The following RBMS3 variants were observed in gnomAD, a reference collection of about 807,000 sequenced individuals.
RBMS3 encodes RNA binding motif single stranded interacting protein 3.
RBMS3 carries 27 observed loss-of-function variants against 66.8 expected under a neutral mutation model. The ratio of observed to expected loss-of-function variants is 0.40; its 90% CI spans 0.30 to 0.56. The LOEUF is 0.56. Ranked by LOEUF, RBMS3 falls within the 20% of genes least tolerant of loss-of-function variation. RBMS3 has a pLI of 0.40. For synonymous variants in RBMS3, 188 were observed against 183.0 expected (o/e 1.03, Z -0.22); for missense variants, 513 against 549.5 (o/e 0.93, Z 0.66).
intron 5 of RBMS3, among the ~76,000 whole-genome samples, chr3:29,754,859 A>G (rs1185369210): frequency 6.6e-6 from 1 of 152,218 alleles, no homozygotes; most frequent in African/African-American, 2.4e-5. Context: ...TATGAAGATA[A>G]TGAGTGAGAA....
rs759344493 is a variant in RBMS3 at position 29,434,735 on chromosome 3, G to A, written c.76-8G>A. 21 of 1,606,032 alleles carry A rather than the reference G, an allele frequency of 1.3e-5. No individual in the cohort carries two copies. The East Asian group carries it at 3.6e-4, about 27-fold the overall frequency. On this transcript the variant is annotated splice_region_variant and splice_polypyrimidine_tract_variant and intron_variant, in intron 1 of 14. Coordinates refer to ENST00000383767, the MANE Select transcript of RBMS3 (RefSeq NM_001003793.3). ...TGTTTTTCCAGTAACAGCTTTTTCTGTTTCCAGCAGTCCTATGCACCAGCT... is the reference window on the plus strand; with the variant it reads ...TGTTTTTCCAGTAACAGCTTTTTCTATTTCCAGCAGTCCTATGCACCAGCT...
intron 3 of RBMS3, among the ~76,000 whole-genome samples, chr3:29,570,174 T>C (rs980015600): frequency 4.6e-5 from 7 of 152,256 alleles, no homozygotes; most frequent in African/African-American, 1.7e-4. Context: ...GTCATTTTCT[T>C]ATTTTTGAAA....
At chr3:29,917,674 C>T (rs977716467) in intron 10 of RBMS3, among the ~76,000 whole-genome samples, 3 of 152,024 alleles carry the variant, frequency 2.0e-5, no homozygotes, top group African/African-American at 7.2e-5. Flanking sequence ...CAGAAAACAA[C>T]CGTCAACTCC....
chr3:29,721,597 G>A (rs546511691), intron 4 of RBMS3, among the ~76,000 whole-genome samples: 95 of 152,172 alleles, frequency 6.2e-4, no homozygotes, highest in African/African-American at 2.2e-3. Context: ...TCAGGGTCAC[G>A]GGTCTATCCA....
At chr3:29,701,961 G>A (rs900435682) in intron 4 of RBMS3, among the ~76,000 whole-genome samples, 2 of 152,218 alleles carry the variant, frequency 1.3e-5, no homozygotes, top group African/African-American at 2.4e-5. Flanking sequence ...CTCTGCCCGC[G>A]GCCGTGGCGC....
chr3:29,962,968 C>T (rs1397725837), intron 12 of RBMS3, among the ~76,000 whole-genome samples: 1 of 151,332 alleles, frequency 6.6e-6, no homozygotes, highest in Non-Finnish European at 1.5e-5. Flanking sequence ...TACTTATCTC[C>T]TGTGCCCTTC....
rs192525887 is a variant in RBMS3 at position 29,570,851 on chromosome 3, A to G, written c.308-16263A>G. 2.0e-5 allele frequency among the ~76,000 whole-genome samples: 3 copies of G among 152,236 alleles called. No homozygotes were observed. In the East Asian group the frequency reaches 5.8e-4, roughly 29 times the overall value. On this transcript the variant is annotated intron_variant, in intron 3 of 14. Transcript: ENST00000383767. ...TTTTGGGCATATACTCAGCAATGGTATTTCTGTATCATATGGTAGCTCTAT... is the reference window on the plus strand; with the variant it reads ...TTTTGGGCATATACTCAGCAATGGTGTTTCTGTATCATATGGTAGCTCTAT...
At chr3:29,989,656 A>C (rs922180536) in intron 13 of RBMS3, among the ~76,000 whole-genome samples, 1 of 152,224 alleles carries the variant, frequency 6.6e-6, no homozygotes, top group Non-Finnish European at 1.5e-5. Flanking sequence ...GATGTTTAAC[A>C]GGGCACTGAT....
chr3:29,285,985 C>T (rs1019993267), intron 1 of RBMS3, among the ~76,000 whole-genome samples: 4 of 152,136 alleles, frequency 2.6e-5, no homozygotes, highest in Admixed American at 1.3e-4. Context: ...CTTCCTGCCT[C>T]AGATTTGCAT....
chr3:29,426,630 T>A (rs1185283881), intron 1 of RBMS3, among the ~76,000 whole-genome samples: 1 of 152,232 alleles, frequency 6.6e-6, no homozygotes, highest in Non-Finnish European at 1.5e-5. Context: ...TCCACAATGA[T>A]TGTTTCATCA....
chr3:29,822,808 C>G (rs2058106801), intron 6 of RBMS3, among the ~76,000 whole-genome samples: 1 of 152,160 alleles, frequency 6.6e-6, no homozygotes, highest in African/African-American at 2.4e-5. Context: ...ATGATGGTGT[C>G]ATGGCTGCCA....
rs1352122041 is a variant in RBMS3, at chr3:29,633,384, TGAGATATAA to T, written c.399+46183_399+46191del. Among the ~76,000 whole-genome samples the T allele has an allele frequency of 2.0e-5, 3 of 151,920 alleles. No homozygotes were observed. The East Asian group carries it at 5.8e-4, about 29-fold the overall frequency. On this transcript the variant is annotated intron_variant, in intron 4 of 14. Coordinates refer to ENST00000383767, the MANE Select transcript of RBMS3 (RefSeq NM_001003793.3). ...AGAAACTTATGCAGAAAGAGCACCA[TGAGATATAA>T]GAGGGGCTGTGGCATATCAGATTAT...
intron 1 of RBMS3, among the ~76,000 whole-genome samples, chr3:29,282,399 C>T (rs1036402238): frequency 1.3e-5 from 2 of 151,984 alleles, no homozygotes; most frequent in Admixed American, 1.3e-4. Flanking sequence ...GTGTAGCTGC[C>T]ATGAGGAGGC....
chr3:29,834,875 T>C (rs765024329), intron 6 of RBMS3, among the ~76,000 whole-genome samples: 3 of 152,006 alleles, frequency 2.0e-5, no homozygotes, highest in Non-Finnish European at 4.4e-5. Context: ...TGCAACTAAA[T>C]ACTACTGTCC....
At chr3:29,998,857 T>C (rs4618185) in intron 14 of RBMS3, among the ~76,000 whole-genome samples, 23,055 of 152,028 alleles carry the variant, frequency 0.15, 1,887 homozygotes, top group East Asian at 0.2. Context: ...GACATAGGCA[T>C]GGGCAAGGAC....
chr3:29,948,903 G>C (rs989850641), intron 12 of RBMS3, among the ~76,000 whole-genome samples: 71 of 151,812 alleles, frequency 4.7e-4, no homozygotes, highest in African/African-American at 1.6e-3. Flanking sequence ...GATTCTAACA[G>C]AGTAAAAGGT....
chr3:29,433,114 G>GTT (rs11335040), intron 1 of RBMS3, among the ~76,000 whole-genome samples: 1 of 147,780 alleles, frequency 6.8e-6, no homozygotes, highest in African/African-American at 2.5e-5. Flanking sequence ...GTTTCTTGAG[G>GTT]TTTTTTTTTT....
intron 4 of RBMS3, among the ~76,000 whole-genome samples, chr3:29,593,505 C>T (rs1038115864): frequency 6.7e-6 from 1 of 149,546 alleles, no homozygotes; most frequent in African/African-American, 2.5e-5. Context: ...AGAGTTGTTT[C>T]CTGAGACTGG....
At chr3:29,619,915 G>A (rs143096651) in intron 4 of RBMS3, among the ~76,000 whole-genome samples, 2 of 151,790 alleles carry the variant, frequency 1.3e-5, no homozygotes, top group Admixed American at 6.6e-5. Context: ...GTCTTCCTGA[G>A]TATTTTCCTG....
Sources: allele counts gnomAD v4.1 joint callset (sites outside exome capture counted in the v4.1 genomes callset), GRCh38; gene constraint gnomAD v4.1.1; transcripts MANE v1.5; gene names NCBI Gene and HGNC (gene_info 2026-07-23, HGNC 2026-07-21).